Variants in STAU1 observed in about 807,000 individuals in gnomAD.
STAU1 encodes the protein double-stranded RNA-binding protein Staufen homolog 1.
Under a neutral mutation model 62.9 loss-of-function variants are expected in STAU1, and 13 were observed. The observed-to-expected ratio is 0.21, with a 90% CI of 0.13 to 0.33. STAU1 has a LOEUF of 0.33. STAU1 is among the 10% of genes least tolerant of loss of function. STAU1 has a pLI of 1.00. For missense variants in STAU1, 571 were observed against 712.1 expected, an observed-to-expected ratio of 0.80 and a Z score of 2.25; for synonymous variants, 269 against 265.1, an observed-to-expected ratio of 1.01 and a Z score of -0.14.
chr20:49,196,694 G>C, the STAU1 span, among the ~76,000 whole-genome samples: 1 of 150,632 alleles, frequency 6.6e-6, no homozygotes, highest in Non-Finnish European at 1.5e-5. Flanking sequence ...AAACCCAGGA[G>C]CCGGAGGCTG....
chr20:49,166,863 G>C (rs767480553), intron 2 of STAU1, among the ~76,000 whole-genome samples: 4 of 152,112 alleles, frequency 2.6e-5, no homozygotes, highest in Non-Finnish European at 5.9e-5. Context: ...TAAAAGGCTT[G>C]TTTGAGGTCT....
At chr20:49,195,903 A>AAAAAAAAAGAAAAAAAG in the STAU1 span, among the ~76,000 whole-genome samples, 2 of 94,480 alleles carry the variant, frequency 2.1e-5, no homozygotes, top group African/African-American at 3.0e-5. Flanking sequence ...CCTCTCAAAA[A>AAAAAAAAAGAAAAAAAG]AAAAAAAAAA....
At chr20:49,204,668 T>A in the STAU1 span, among the ~76,000 whole-genome samples, 1 of 84,718 alleles carries the variant, frequency 1.2e-5, no homozygotes, top group African/African-American at 4.2e-5. Flanking sequence ...TTTTTTTTTT[T>A]TTTTGAGATG....
chr20:49,208,570 T>G, the STAU1 span, among the ~76,000 whole-genome samples: 1 of 151,588 alleles, frequency 6.6e-6, no homozygotes, highest in Non-Finnish European at 1.5e-5. Context: ...GCAGGAGGAT[T>G]GCTTGAGGCT....
chr20:49,142,064 AAC>A (rs1600706222), intron 5 of STAU1, among the ~76,000 whole-genome samples: 1 of 57,212 alleles, frequency 1.7e-5, no homozygotes, highest in East Asian at 4.4e-4. Context: ...TCTCAACAAG[AAC>A]AACAACAACA....
rs1214180354 is a variant in STAU1 at position 49,117,695 on chromosome 20, A to C, written c.1509+82T>G. On this transcript the variant is annotated intron_variant, in intron 11 of 13. Transcript: ENST00000371856. The surrounding 1 kb of genome is among the most constrained non-coding windows in gnomAD (Gnocchi z 4.6). ...GAACTTGATTTAAGAAAAAAGTACA[A>C]AGTTCAAAGTTCATTTTCTGAGAGA... 1 of 1,424,372 alleles carries C rather than the reference A, an allele frequency of 7.0e-7. No individual in the cohort carries two copies. Among genetic ancestry groups the C allele is most frequent in the Non-Finnish European group, 9.4e-7 (1 of 1,064,568 alleles). 88.2% of individuals were successfully genotyped at this position (1,424,372 alleles called of 1,614,324 possible). A position where few individuals can be genotyped will look rare whatever the true frequency, so the allele number is the denominator to read the frequency against.
At chr20:49,190,740 C>T (rs1464742672), upstream of STAU1, among the ~76,000 whole-genome samples, 1 of 152,042 alleles carries the variant, frequency 6.6e-6, no homozygotes, top group African/African-American at 2.4e-5. Flanking sequence ...TTTTTCTTTA[C>T]CTTGAGAAAA....
intron 6 of STAU1, among the ~76,000 whole-genome samples, chr20:49,129,311 G>A (rs1403553422): frequency 9.0e-5 from 8 of 88,698 alleles, no homozygotes; most frequent in Admixed American, 3.3e-4. Context: ...TTTTTGAGAC[G>A]GAGTCTCACT....
intron 1 of STAU1, among the ~76,000 whole-genome samples, chr20:49,180,188 A>C (rs941098375): frequency 2.0e-5 from 3 of 152,240 alleles, no homozygotes; most frequent in African/African-American, 7.2e-5. Context: ...AGGGCTAGGA[A>C]GCAAAGAGGA....
the STAU1 span, among the ~76,000 whole-genome samples, chr20:49,201,044 C>CAAAAAAAAAAAAAAAAAAAAAAAAAAAA: frequency 2.2e-4 from 7 of 31,508 alleles, no homozygotes; most frequent in Non-Finnish European, 2.3e-4. Context: ...GACCCACTCT[C>CAAAAAAAAAAAAAAAAAAAAAAAAAAAA]AAAAAAAAAA....
At chr20:49,126,248 A>T (rs2092609568) in intron 6 of STAU1, among the ~76,000 whole-genome samples, 1 of 151,938 alleles carries the variant, frequency 6.6e-6, no homozygotes, top group Non-Finnish European at 1.5e-5. Context: ...CATTATCAAG[A>T]AAGTGATTAC....
At chr20:49,189,731 G>T (rs1375014208), upstream of STAU1, among the ~76,000 whole-genome samples, 1 of 151,964 alleles carries the variant, frequency 6.6e-6, no homozygotes, top group Non-Finnish European at 1.5e-5. Flanking sequence ...AACTGCAGGT[G>T]CACAGAGCTT....
chr20:49,172,575 T>C (rs1434995702), intron 2 of STAU1, among the ~76,000 whole-genome samples: 1 of 152,200 alleles, frequency 6.6e-6, no homozygotes, highest in African/African-American at 2.4e-5. Context: ...AAAGGGAAAC[T>C]GTAATCTGTA....
At chr20:49,162,117 T>C (rs1363720836) in intron 3 of STAU1, among the ~76,000 whole-genome samples, 1 of 152,210 alleles carries the variant, frequency 6.6e-6, no homozygotes, top group African/African-American at 2.4e-5. Context: ...TCATCTTCCA[T>C]ACAGTGAAAC....
Position 49,123,116 on chromosome 20 carries a change from C to G in STAU1, c.942G>C (p.Pro314=), listed in dbSNP as rs1481225253. The change falls in exon 8 of 14, where the codon CCG becomes CCC. Residue 314 remains proline (P), a synonymous_variant. Coordinates refer to ENST00000371856, the MANE Select transcript of STAU1 (RefSeq NM_017453.4). ...EYTLLTERGL[P]RRREFVMQVK... is the part of the protein sequence containing the mutation. The stretch of plus-strand genomic sequence containing the variant: ...CCTGCATCACAAACTCCCTGCGGCG[C>G]GGGAGGCCTCGCTCTGTGAGGAGCG... 1.2e-6 allele frequency: 2 copies of G among 1,610,664 alleles called. No homozygotes were observed. Among genetic ancestry groups the G allele is most frequent in the East Asian group, 4.5e-5 (2 of 44,784 alleles).
chr20:49,114,594 C>G lies in STAU1; in HGVS notation c.*284G>C. On this transcript the variant is annotated 3_prime_UTR_variant, in exon 14 of 14. Transcript: ENST00000371856. ...CCAGGGTGTGGATCTGCTGGTGTCC[C>G]GGGAGAACCAGCTGGCTGGGCAGCC... is the stretch of plus-strand genomic sequence containing the variant. The G allele has an allele frequency of 2.3e-6, 1 of 443,068 alleles. No homozygotes were observed. 27.4% of individuals were successfully genotyped at this position (443,068 alleles called of 1,614,324 possible). A position where few individuals can be genotyped will look rare whatever the true frequency, so the allele number is the denominator to read the frequency against.
rs1322336079 is a variant in STAU1 at position 49,114,755 on chromosome 20, C to T, written c.*123G>A. Reference sequence around the variant, plus strand: ...CTGTTGTCTTCCCTGCTGCTGCCCACATCCTTTACCCACCGTGTCTCTCGG... The same window carrying T: ...CTGTTGTCTTCCCTGCTGCTGCCCATATCCTTTACCCACCGTGTCTCTCGG... On this transcript the variant is annotated 3_prime_UTR_variant, in exon 14 of 14. Coordinates refer to ENST00000371856, the MANE Select transcript of STAU1 (RefSeq NM_017453.4). 3 of 914,894 alleles carry T rather than the reference C, an allele frequency of 3.3e-6. No individual in the cohort carries two copies. The highest frequency in any genetic ancestry group is 5.3e-6 in the Non-Finnish European group (3 of 571,124). 56.7% of individuals were successfully genotyped at this position (914,894 alleles called of 1,614,324 possible).
intron 3 of STAU1, among the ~76,000 whole-genome samples, chr20:49,161,050 G>A (rs2093440591): frequency 1.3e-5 from 2 of 149,974 alleles, no homozygotes; most frequent in Admixed American, 1.3e-4. Context: ...CAGGCGGGGT[G>A]GCTAACACCT....
intron 6 of STAU1, among the ~76,000 whole-genome samples, chr20:49,129,704 G>C (rs1258838129): frequency 1.4e-5 from 2 of 142,066 alleles, no homozygotes; most frequent in South Asian, 2.2e-4. Context: ...GCATGATCTC[G>C]GCTCACTGCA....
Sources: gnomAD v4.1 joint callset for allele counts (sites outside exome capture counted in the v4.1 genomes callset) on GRCh38, gnomAD v4.1.1 for gene constraint, Gnocchi (gnomAD v3.1) non-coding constraint, MANE v1.5 for transcripts, NCBI Gene and HGNC (gene_info 2026-07-23, HGNC 2026-07-21) for gene names.